The following CIB4 variants were observed in gnomAD, a reference collection of about 807,000 sequenced individuals.
CIB4 encodes calcium and integrin binding family member 4.
A neutral mutation model predicts 25.8 loss-of-function variants in CIB4; 25 were observed. The ratio of observed to expected loss-of-function variants is 0.97; its 90% CI spans 0.71 to 1.35. CIB4 has a LOEUF of 1.35. CIB4 is among the 40% of genes most tolerant of loss of function. The probability of loss-of-function intolerance (pLI) is 0.00; values close to 1 mark genes in which losing one functional copy is unlikely to be tolerated. For missense variants in CIB4, 235 were observed against 228.2 expected, an observed-to-expected ratio of 1.03 and a Z score of -0.19; for synonymous variants, 75 against 81.4, an observed-to-expected ratio of 0.92 and a Z score of 0.42.
chr2:26,585,495 G>A (rs1008241222), intron 4 of CIB4, among the ~76,000 whole-genome samples: 1 of 152,062 alleles, frequency 6.6e-6, no homozygotes, highest in Non-Finnish European at 1.5e-5. Context: ...AGTCACCCAA[G>A]CCCCTCACTG....
chr2:26,586,300 G>A (rs1438620655), intron 4 of CIB4, among the ~76,000 whole-genome samples: 2 of 152,064 alleles, frequency 1.3e-5, no homozygotes, highest in African/African-American at 4.8e-5. Context: ...ACACAATCCT[G>A]CCTCAGGGCC....
At chr2:26,612,565 G>A (rs1274494219) in intron 3 of CIB4, among the ~76,000 whole-genome samples, 1 of 152,052 alleles carries the variant, frequency 6.6e-6, no homozygotes, top group Non-Finnish European at 1.5e-5. Context: ...GCCTCTCTAA[G>A]GAGGAAGGGA....
chr2:26,595,274 T>C lies in CIB4; in HGVS notation c.230A>G (p.Lys77Arg), dbSNP rs780401603. The C allele has an allele frequency of 2.5e-5, 40 of 1,614,014 alleles. No homozygotes were observed. Among genetic ancestry groups the C allele is most frequent in the Admixed American group, 1.7e-4 (10 of 60,014 alleles). Residue 77 changes from lysine (K) to arginine (R), a missense_variant, in exon 4 of 7, where the codon AAA becomes AGA. By Grantham distance (26) the Lys-to-Arg change is conservative. Coordinates refer to ENST00000288861, the MANE Select transcript of CIB4 (RefSeq NM_001029881.3). ...RDRICRVFSH[K>R]GMFSFEDVLG... is the part of the protein sequence containing the mutation. The stretch of plus-strand genomic sequence containing the variant: ...CACATCCTCAAAGGAGAACATGCCT[T>C]TGTGGGAGAACACTCTGCAGATACG...
chr2:26,605,014 C>A (rs570386133), intron 3 of CIB4, among the ~76,000 whole-genome samples: 4 of 152,164 alleles, frequency 2.6e-5, no homozygotes, highest in African/African-American at 9.6e-5. Context: ...CCAAGATAGA[C>A]CATATTCAGG....
chr2:26,635,763 A>G (rs1309419429), intron 2 of CIB4, among the ~76,000 whole-genome samples: 1 of 152,196 alleles, frequency 6.6e-6, no homozygotes. Flanking sequence ...CCAAGAAGAT[A>G]ACCTATTATC....
At chr2:26,615,299 A>G (rs745808301) in intron 3 of CIB4, among the ~76,000 whole-genome samples, 21 of 152,194 alleles carry the variant, frequency 1.4e-4, no homozygotes, top group African/African-American at 2.4e-4. Flanking sequence ...GAGTCGAACA[A>G]ACTGCAGCCA....
chr2:26,602,621 T>C lies in CIB4; in HGVS notation c.187-7304A>G, dbSNP rs542919860. On this transcript the variant is annotated intron_variant, in intron 3 of 6. Coordinates refer to ENST00000288861, the MANE Select transcript of CIB4 (RefSeq NM_001029881.3). ...GATGTGTAGTATACATGGGTTAGTATACATACCTATATTTTCTAGCTTCTG... is the reference window on the plus strand; with the variant it reads ...GATGTGTAGTATACATGGGTTAGTACACATACCTATATTTTCTAGCTTCTG... Among the ~76,000 whole-genome samples, 10 of 152,330 alleles carry C rather than the reference T, an allele frequency of 6.6e-5. 1 individual carries two copies. The Middle Eastern group carries it at 0.014, about 207-fold the overall frequency.
chr2:26,624,527 G>A (rs900968309), intron 3 of CIB4, among the ~76,000 whole-genome samples: 2 of 152,114 alleles, frequency 1.3e-5, no homozygotes, highest in African/African-American at 4.8e-5. Flanking sequence ...ACAAAAGGGG[G>A]TGTGTCTGAA....
intron 3 of CIB4, chr2:26,605,669 A>C: frequency 2.5e-6 from 1 of 394,274 alleles, no homozygotes; most frequent in South Asian, 1.9e-5. Context: ...GTCAGTTCAC[A>C]GACCCAACAA....
At chr2:26,616,461 A>G (rs1669094419) in intron 3 of CIB4, among the ~76,000 whole-genome samples, 1 of 152,134 alleles carries the variant, frequency 6.6e-6, no homozygotes, top group African/African-American at 2.4e-5. Flanking sequence ...GTCCTTTCTC[A>G]GTGGAAGATT....
At chr2:26,618,250 C>A (rs1429123646) in intron 3 of CIB4, among the ~76,000 whole-genome samples, 2 of 152,158 alleles carry the variant, frequency 1.3e-5, no homozygotes, top group Non-Finnish European at 2.9e-5. Flanking sequence ...GCCTTTGAGA[C>A]CCCTCCAGCC....
chr2:26,583,758 C>T lies in CIB4; in HGVS notation c.438+31G>A, dbSNP rs143048560. ...ACAACCTGGCCCCTATCCCCGGCCC[C>T]AGCCACCAACTCCCAGCCCCCAGCA... On this transcript the variant is annotated intron_variant, in intron 5 of 6. Transcript: ENST00000288861. The T allele has an allele frequency of 6.9e-5, 100 of 1,458,742 alleles. No homozygotes were observed. In the African/African-American group the frequency reaches 1.3e-3, roughly 19 times the overall value. 90.4% of individuals were successfully genotyped at this position (1,458,742 alleles called of 1,614,324 possible).
chr2:26,607,788 T>C (rs1278495835), intron 3 of CIB4, among the ~76,000 whole-genome samples: 1 of 152,234 alleles, frequency 6.6e-6, no homozygotes, highest in East Asian at 1.9e-4. Flanking sequence ...AGCTGTTACC[T>C]GGGCCAGCGT....
chr2:26,598,005 A>G (rs1668711844), intron 3 of CIB4, among the ~76,000 whole-genome samples: 2 of 152,156 alleles, frequency 1.3e-5, no homozygotes, highest in African/African-American at 2.4e-5. Flanking sequence ...TACTTTAATA[A>G]AAAACATTTT....
At chr2:26,587,300 G>T (rs1171179762) in intron 4 of CIB4, among the ~76,000 whole-genome samples, 1 of 2,856 alleles carries the variant, frequency 3.5e-4, no homozygotes, top group African/African-American at 4.6e-4. Context: ...GCAAGACTCC[G>T]TCTCAAAAAA....
chr2:26,600,337 G>C (rs1668759036), intron 3 of CIB4, among the ~76,000 whole-genome samples: 1 of 152,186 alleles, frequency 6.6e-6, no homozygotes, highest in South Asian at 2.1e-4. Context: ...TCGGGAGGCA[G>C]AGGTTGCAGT....
chr2:26,582,247 A>G (rs1013496471), intron 6 of CIB4, among the ~76,000 whole-genome samples: 1 of 152,190 alleles, frequency 6.6e-6, no homozygotes. Context: ...CTGGTCCTCC[A>G]TGGCACGCGC....
At chr2:26,602,757 G>A (rs536435813) in intron 3 of CIB4, among the ~76,000 whole-genome samples, 81 of 152,176 alleles carry the variant, frequency 5.3e-4, no homozygotes, top group Non-Finnish European at 1.1e-3. Flanking sequence ...CCCCTGGTAT[G>A]ATGCAATGAG....
At chr2:26,590,352 T>C (rs1171967680) in intron 4 of CIB4, among the ~76,000 whole-genome samples, 1 of 150,976 alleles carries the variant, frequency 6.6e-6, no homozygotes, top group African/African-American at 2.4e-5. Context: ...TCTTAGACGT[T>C]AAAGCACAGA....
Sources: gnomAD v4.1 joint callset for allele counts (sites outside exome capture counted in the v4.1 genomes callset) on GRCh38, gnomAD v4.1.1 for gene constraint, MANE v1.5 for transcripts, NCBI Gene and HGNC (gene_info 2026-07-23, HGNC 2026-07-21) for gene names.